The following C12orf56 variants were observed in gnomAD, a reference collection of about 807,000 sequenced individuals.
C12orf56 encodes the protein uncharacterized protein C12orf56.
A neutral mutation model predicts 69.9 loss-of-function variants in C12orf56; 71 were observed. The ratio of observed to expected loss-of-function variants is 1.02; its 90% CI spans 0.84 to 1.24. The LOEUF (loss-of-function observed/expected upper bound fraction) is 1.24, where lower values mean the gene tolerates loss of function less well. Ranked by LOEUF, C12orf56 falls within the 50% of genes most tolerant of loss-of-function variation. C12orf56 has a pLI of 0.00. For missense variants in C12orf56, 732 were observed against 738.5 expected (o/e 0.99, Z 0.10); for synonymous variants, 276 against 274.1 (o/e 1.01, Z -0.07).
chr12:64,299,868 T>C (rs992498741), intron 6 of C12orf56, among the ~76,000 whole-genome samples: 3 of 152,198 alleles, frequency 2.0e-5, no homozygotes, highest in African/African-American at 4.8e-5. Context: ...ATTGTTCAAC[T>C]CGGTAGCTAC....
chr12:64,296,213 G>C (rs1288318584), intron 6 of C12orf56, among the ~76,000 whole-genome samples: 1 of 152,196 alleles, frequency 6.6e-6, no homozygotes, highest in Non-Finnish European at 1.5e-5. Flanking sequence ...CCTAGAAAAA[G>C]CCTAGATTGC....
chr12:64,314,043 C>CA (rs762340003), intron 4 of C12orf56, among the ~76,000 whole-genome samples: 3,142 of 66,478 alleles, frequency 0.047, 168 homozygotes, highest in African/African-American at 0.15. Flanking sequence ...AACTCTGTCT[C>CA]AAAAAAAAAA....
chr12:64,389,159 C>G (rs571026393), intron 1 of C12orf56: 11 of 152,258 alleles, frequency 7.2e-5, no homozygotes, highest in Admixed American at 6.5e-4. Context: ...AACGGAAAAA[C>G]CAAGAACACA....
At chr12:64,280,794 G>A (rs905782088) in intron 8 of C12orf56, among the ~76,000 whole-genome samples, 8 of 152,144 alleles carry the variant, frequency 5.3e-5, no homozygotes, top group Non-Finnish European at 7.4e-5. Flanking sequence ...GAGCTAGGAA[G>A]AGTCCCAAGC....
chr12:64,390,391 G>A lies in C12orf56; in HGVS notation c.175C>T (p.Leu59Phe), dbSNP rs925509064. Residue 59 changes from leucine (L) to phenylalanine (F), a missense_variant, in exon 1 of 13, where the codon CTC becomes TTC. Transcript: ENST00000543942. ...GGCGGGTTCTCGGTTAGGTAGACGAGCCGGTCGCTTAGCACCACATACTTG... is the reference window on the plus strand; with the variant it reads ...GGCGGGTTCTCGGTTAGGTAGACGAACCGGTCGCTTAGCACCACATACTTG... ...ILKYVVLSDRLVYLTENPPKS... is the reference protein window; with the variant it reads ...ILKYVVLSDRFVYLTENPPKS... The A allele has an allele frequency of 1.2e-6, 2 of 1,613,222 alleles. No individual in the cohort carries two copies. The highest frequency in any genetic ancestry group is 1.7e-6 in the Non-Finnish European group (2 of 1,179,770).
At chr12:64,308,517 A>G (rs923434393) in intron 5 of C12orf56, among the ~76,000 whole-genome samples, 2 of 151,984 alleles carry the variant, frequency 1.3e-5, no homozygotes, top group Non-Finnish European at 2.9e-5. Flanking sequence ...AAATTTTCAA[A>G]CATACATCAA....
chr12:64,277,660 C>T lies in C12orf56; in HGVS notation c.1434+20G>A. On this transcript the variant is annotated intron_variant, in intron 9 of 12. Coordinates refer to ENST00000543942, the MANE Select transcript of C12orf56 (RefSeq NM_001170633.2). ...TATATATATATATATAATAGTTTAC[C>T]CCCCAAATTCTCATCTCACCTCAGC... 1.4e-6 allele frequency: 2 copies of T among 1,421,698 alleles called. No individual in the cohort carries two copies. Among genetic ancestry groups the T allele is most frequent in the South Asian group, 1.6e-5 (1 of 61,120 alleles). 88.1% of individuals were successfully genotyped at this position (1,421,698 alleles called of 1,614,324 possible). A position where few individuals can be genotyped will look rare whatever the true frequency, so the allele number is the denominator to read the frequency against.
intron 8 of C12orf56, among the ~76,000 whole-genome samples, chr12:64,279,376 C>T (rs1213775753): frequency 1.3e-5 from 2 of 152,162 alleles, no homozygotes; most frequent in African/African-American, 2.4e-5. Context: ...GTAGTATAAC[C>T]CCTGTATGGT....
At chr12:64,375,637 T>C (rs1416144767) in intron 1 of C12orf56, among the ~76,000 whole-genome samples, 1 of 152,194 alleles carries the variant, frequency 6.6e-6, no homozygotes, top group African/African-American at 2.4e-5. Flanking sequence ...TCATCAAAGC[T>C]GATCCTCTTA....
chr12:64,353,090 A>ATAT, intron 1 of C12orf56, 34 bp from the exon 2 acceptor site: 1 of 1,594,430 alleles, frequency 6.3e-7, no homozygotes, highest in Admixed American at 1.8e-5. Flanking sequence ...CATTGAAGAC[A>ATAT]AATACAACTG....
intron 1 of C12orf56, among the ~76,000 whole-genome samples, chr12:64,368,698 G>A (rs982106326): frequency 9.2e-5 from 14 of 152,094 alleles, no homozygotes; most frequent in Non-Finnish European, 1.5e-4. Context: ...GTACATCATC[G>A]CCAAACTGGC....
chr12:64,332,889 C>A (rs2038949678), intron 2 of C12orf56, among the ~76,000 whole-genome samples: 1 of 152,182 alleles, frequency 6.6e-6, no homozygotes, highest in Non-Finnish European at 1.5e-5. Context: ...CCTTTTGCTT[C>A]CCTTTTGATT....
At chr12:64,324,708 A>G (rs1287593310) in intron 3 of C12orf56, among the ~76,000 whole-genome samples, 1 of 152,218 alleles carries the variant, frequency 6.6e-6, no homozygotes, top group Non-Finnish European at 1.5e-5. Context: ...AGAAAGGGAC[A>G]TTTGGAAAGT....
intron 1 of C12orf56, among the ~76,000 whole-genome samples, chr12:64,388,236 C>T (rs570562983): frequency 1.1e-4 from 17 of 151,328 alleles, no homozygotes; most frequent in African/African-American, 4.1e-4. Flanking sequence ...CCATGCCTGG[C>T]CCCTTTTAAA....
intron 2 of C12orf56, among the ~76,000 whole-genome samples, chr12:64,337,873 A>C (rs1020174446): frequency 6.6e-6 from 1 of 151,708 alleles, no homozygotes. Context: ...AAAAAAAAAA[A>C]ACACCAGGAC....
rs2039852099 is a variant in C12orf56, at chr12:64,390,368, C to A, written c.198G>T (p.Pro66=). The A allele has an allele frequency of 3.7e-6, 6 of 1,612,894 alleles. No homozygotes were observed. The highest frequency in any genetic ancestry group is 5.1e-6 in the Non-Finnish European group (6 of 1,179,682). The stretch of plus-strand genomic sequence containing the variant: ...CCACTACCCGCCGGATGGACTTGGG[C>A]GGGTTCTCGGTTAGGTAGACGAGCC... The part of the protein sequence containing the change: ...SDRLVYLTEN[P]PKSIRRVVAL... The change falls in exon 1 of 13, where the codon CCG becomes CCT. Residue 66 remains proline (P), a synonymous_variant. Transcript: ENST00000543942.
At chr12:64,320,656 T>C (rs2038759702) in intron 3 of C12orf56, among the ~76,000 whole-genome samples, 1 of 152,190 alleles carries the variant, frequency 6.6e-6, no homozygotes, top group African/African-American at 2.4e-5. Context: ...TTGCAGAGTA[T>C]GGTGAGACCT....
chr12:64,341,431 G>T (rs2039072802), intron 2 of C12orf56, among the ~76,000 whole-genome samples: 1 of 152,098 alleles, frequency 6.6e-6, no homozygotes, highest in South Asian at 2.1e-4. Context: ...TTGTCACCTA[G>T]TTGGCCATGT....
At chr12:64,275,253 A>T in intron 10 of C12orf56, 45 bp downstream of exon 10, 1 of 900,486 alleles carries the variant, frequency 1.1e-6, no homozygotes, top group Non-Finnish European at 1.7e-6. Context: ...CATGTAATTT[A>T]TAGTTACATA....
Sources: gnomAD v4.1 joint callset for allele counts (sites outside exome capture counted in the v4.1 genomes callset) on GRCh38, gnomAD v4.1.1 for gene constraint, MANE v1.5 for transcripts, NCBI Gene and HGNC (gene_info 2026-07-23, HGNC 2026-07-21) for gene names.